The following CPA6 variants were observed in gnomAD, a reference collection of about 807,000 sequenced individuals.
CPA6 encodes the protein carboxypeptidase B.
A neutral mutation model predicts 63.3 loss-of-function variants in CPA6; 58 were observed. The observed-to-expected ratio is 0.92, with a 90% CI of 0.74 to 1.14. The LOEUF (loss-of-function observed/expected upper bound fraction) is 1.14. CPA6 is among the 50% of genes most tolerant of loss of function. The pLI is 0.00. For missense variants in CPA6, 565 were observed against 526.6 expected, an observed-to-expected ratio of 1.07 and a Z score of -0.71; for synonymous variants, 185 against 179.0, an observed-to-expected ratio of 1.03 and a Z score of -0.27.
At chr8:67,730,713 T>C (rs1466124221) in intron 1 of CPA6, among the ~76,000 whole-genome samples, 1 of 152,176 alleles carries the variant, frequency 6.6e-6, no homozygotes, top group African/African-American at 2.4e-5. Flanking sequence ...AGGAGCTGTT[T>C]GCCAGAAAAT....
chr8:67,454,174 C>A (rs1810619199), intron 8 of CPA6, among the ~76,000 whole-genome samples: 1 of 152,204 alleles, frequency 6.6e-6, no homozygotes, highest in Non-Finnish European at 1.5e-5. Flanking sequence ...ATGGCTGTGT[C>A]TCTAACATGG....
At chr8:67,584,163 A>G (rs889327397) in intron 2 of CPA6, among the ~76,000 whole-genome samples, 1 of 152,172 alleles carries the variant, frequency 6.6e-6, no homozygotes, top group African/African-American at 2.4e-5. Context: ...GTCTCAAAAC[A>G]AAAAGAAAAA....
chr8:67,636,035 G>A (rs1387239951), intron 1 of CPA6, among the ~76,000 whole-genome samples: 2 of 151,548 alleles, frequency 1.3e-5, no homozygotes, highest in East Asian at 3.9e-4. Flanking sequence ...TCAGAACTGA[G>A]TCTCGATTAG....
In CPA6 at chr8:67,711,243, C is replaced by T. The variant is rs149775073; in HGVS notation, c.116+34771G>A. On this transcript the variant is annotated intron_variant, in intron 1 of 10. Coordinates refer to ENST00000297770, the MANE Select transcript of CPA6 (RefSeq NM_020361.5). Reference sequence around the variant, plus strand: ...GAAATCCTCAGAGCCTGGCTTGAAACCTTACAACAAATTACCTATTTTGGT... The same window carrying T: ...GAAATCCTCAGAGCCTGGCTTGAAATCTTACAACAAATTACCTATTTTGGT... Among the ~76,000 whole-genome samples the T allele has an allele frequency of 1.5e-3, 222 of 152,336 alleles. 1 individual carries two copies. Among genetic ancestry groups the T allele is most frequent in the Admixed American group, 5.6e-3 (85 of 15,306 alleles).
In CPA6 at chr8:67,438,072, C is replaced by G. The variant is rs575039344; in HGVS notation, c.839-3832G>C. Among the ~76,000 whole-genome samples the G allele has an allele frequency of 2.0e-5, 3 of 152,170 alleles. No homozygotes were observed. The East Asian group carries it at 5.8e-4, about 29-fold the overall frequency. On this transcript the variant is annotated intron_variant, in intron 8 of 10. Transcript: ENST00000297770. ...CCTGAGATTACAGGCACCCTGCCAC[C>G]ACACCTGGCTAGTTTTTGTATTTTT...
At chr8:67,540,462 T>G (rs912660764) in intron 2 of CPA6, among the ~76,000 whole-genome samples, 6 of 152,308 alleles carry the variant, frequency 3.9e-5, no homozygotes, top group Admixed American at 3.3e-4. Flanking sequence ...GGAGGTGTCT[T>G]CCAGTCAGGT....
chr8:67,571,788 A>G (rs1813492579), intron 2 of CPA6, among the ~76,000 whole-genome samples: 2 of 152,156 alleles, frequency 1.3e-5, no homozygotes, highest in Admixed American at 6.5e-5. Flanking sequence ...AGGAAATACA[A>G]AAAAGAAGAA....
At chr8:67,449,691 A>G (rs1474283688) in intron 8 of CPA6, among the ~76,000 whole-genome samples, 1 of 152,060 alleles carries the variant, frequency 6.6e-6, no homozygotes, top group Non-Finnish European at 1.5e-5. Context: ...GTCTTCTCAG[A>G]ACGGTGAGGT....
intron 8 of CPA6, among the ~76,000 whole-genome samples, chr8:67,439,737 G>C (rs1386062004): frequency 1.3e-5 from 2 of 152,124 alleles, no homozygotes; most frequent in Non-Finnish European, 2.9e-5. Flanking sequence ...TTGATCAAAT[G>C]ACTGATTTTA....
chr8:67,430,699 A>G (rs1810007765), intron 9 of CPA6, among the ~76,000 whole-genome samples: 1 of 152,138 alleles, frequency 6.6e-6, no homozygotes, highest in Non-Finnish European at 1.5e-5. Context: ...CTTAGACGGA[A>G]TAATTCTTTG....
chr8:67,630,546 T>C (rs984183898), intron 1 of CPA6, among the ~76,000 whole-genome samples: 12 of 152,260 alleles, frequency 7.9e-5, no homozygotes, highest in African/African-American at 2.9e-4. Context: ...GGATTTTATA[T>C]GCTAATGAGA....
At chr8:67,596,022 C>T (rs1396140325) in intron 2 of CPA6, among the ~76,000 whole-genome samples, 2 of 152,246 alleles carry the variant, frequency 1.3e-5, no homozygotes, top group Non-Finnish European at 2.9e-5. Flanking sequence ...ATTCGGCCAT[C>T]TTGGCTCCTC....
At chr8:67,721,444 A>G (rs2114049) in intron 1 of CPA6, among the ~76,000 whole-genome samples, 89,268 of 152,098 alleles carry the variant, frequency 0.59, 27,628 homozygotes, top group Admixed American at 0.67. Context: ...GAAGAAGCAG[A>G]GGAATATACA....
At chr8:67,506,235 G>A (rs1031735711) in intron 6 of CPA6, among the ~76,000 whole-genome samples, 2 of 152,122 alleles carry the variant, frequency 1.3e-5, no homozygotes, top group African/African-American at 4.8e-5. Context: ...AAATCACCAT[G>A]AGTCATCAAC....
At chr8:67,558,451 A>G (rs904143937) in intron 2 of CPA6, among the ~76,000 whole-genome samples, 1 of 152,224 alleles carries the variant, frequency 6.6e-6, no homozygotes, top group African/African-American at 2.4e-5. Flanking sequence ...TATTTATTGA[A>G]CAAACAATAC....
At chr8:67,486,645 A>T (rs960136412) in intron 6 of CPA6, among the ~76,000 whole-genome samples, 3 of 152,182 alleles carry the variant, frequency 2.0e-5, no homozygotes, top group Non-Finnish European at 4.4e-5. Flanking sequence ...CAAGGGTTAT[A>T]TTACCCTATT....
At chr8:67,447,110 A>G (rs1810442586) in intron 8 of CPA6, among the ~76,000 whole-genome samples, 1 of 151,960 alleles carries the variant, frequency 6.6e-6, no homozygotes, top group Non-Finnish European at 1.5e-5. Flanking sequence ...ATACACATAT[A>G]TATACACACA....
intron 1 of CPA6, among the ~76,000 whole-genome samples, chr8:67,637,927 C>T (rs1014863620): frequency 2.6e-5 from 4 of 151,114 alleles, no homozygotes; most frequent in African/African-American, 9.9e-5. Context: ...ATTTGTTGGG[C>T]TCAATACCCT....
chr8:67,554,020 G>A (rs957909020), intron 2 of CPA6, among the ~76,000 whole-genome samples: 3 of 152,130 alleles, frequency 2.0e-5, no homozygotes, highest in African/African-American at 7.2e-5. Context: ...GTGACATATT[G>A]TGGTATAATG....
Sources: gnomAD v4.1 joint callset for allele counts (sites outside exome capture counted in the v4.1 genomes callset) on GRCh38, gnomAD v4.1.1 for gene constraint, MANE v1.5 for transcripts, NCBI Gene and HGNC (gene_info 2026-07-23, HGNC 2026-07-21) for gene names.